The following SERF2 variants were observed in gnomAD, a reference collection of about 807,000 sequenced individuals.
The protein encoded by SERF2 is small EDRK-rich factor 2.
SERF2 carries 4 observed loss-of-function variants against 10.7 expected under a neutral mutation model. The observed-to-expected ratio is 0.37, with a 90% confidence interval of 0.18 to 0.86. The LOEUF (loss-of-function observed/expected upper bound fraction) is 0.86. SERF2 is among the 40% of genes least tolerant of loss of function. The pLI is 0.43. For synonymous variants in SERF2, 26 were observed against 26.0 expected (o/e 1.00, Z 0.01); for missense variants, 47 against 79.1 (o/e 0.59, Z 1.54).
upstream of SERF2, among the ~76,000 whole-genome samples, chr15:43,790,003 G>C (rs147132630): frequency 6.7e-3 from 1,012 of 152,162 alleles, 18 homozygotes; most frequent in East Asian, 0.042. Flanking sequence ...TTAGCCGAGC[G>C]TGGTGGCACG....
upstream of SERF2, among the ~76,000 whole-genome samples, chr15:43,790,034 C>T (rs1159933134): frequency 2.6e-5 from 4 of 151,346 alleles, no homozygotes; most frequent in African/African-American, 7.3e-5. Context: ...CCCAGCTACT[C>T]GGGAAGCTGA....
upstream of SERF2, among the ~76,000 whole-genome samples, chr15:43,789,041 T>C (rs1036029917): frequency 6.6e-6 from 1 of 151,282 alleles, no homozygotes; most frequent in African/African-American, 2.4e-5. Flanking sequence ...CCCAGCTACT[T>C]GGGAGGCTGA....
exon 1 of SERF2, chr15:43,777,128 T>C: frequency 1.4e-6 from 1 of 729,430 alleles, no homozygotes; most frequent in East Asian, 2.8e-5. Context: ...CGGCGCTTTC[T>C]TCTAGGATCC....
In SERF2 at chr15:43,795,648, G is replaced by A; in HGVS notation, c.*1875G>A. 1 of 1,611,788 alleles carries A rather than the reference G, an allele frequency of 6.2e-7. No homozygotes were observed. The highest frequency in any genetic ancestry group is 2.2e-5 in the East Asian group (1 of 44,790). On this transcript the variant is annotated 3_prime_UTR_variant, in exon 3 of 3. Coordinates refer to ENST00000249786, the MANE Select transcript of SERF2 (RefSeq NM_001018108.4). ...TTGAGGGTTCTTATGGCACTCCACA[G>A]AGATCTACCACTTCTTATGGTTCCT...
Position 43,795,766 on chromosome 15 carries a change from G to C in SERF2, c.*1993G>C. ...AAAACAGAACGCAGGTTTTGGAATG[G>C]TCTTAAAAGATGTGAGGGTGTTAAT... On this transcript the variant is annotated 3_prime_UTR_variant, in exon 3 of 3. Transcript: ENST00000249786. 6.2e-7 allele frequency: 1 copy of C among 1,608,236 alleles called. No homozygotes were observed. The highest frequency in any genetic ancestry group is 1.3e-5 in the African/African-American group (1 of 74,896).
upstream of SERF2, chr15:43,792,118 C>A: frequency 1.7e-6 from 1 of 573,540 alleles, no homozygotes; most frequent in South Asian, 2.0e-5. Flanking sequence ...TTTCTCCAGG[C>A]CCGTCCCTAC....
At chr15:43,784,689 C>G (rs1168083754) in intron 1 of SERF2, among the ~76,000 whole-genome samples, 2 of 151,884 alleles carry the variant, frequency 1.3e-5, no homozygotes, top group Non-Finnish European at 2.9e-5. Flanking sequence ...ATCTCCTGAC[C>G]TCGTGATCCG....
rs751982774 is a variant in SERF2 at position 43,794,888 on chromosome 15, A to G, written c.*1115A>G. On this transcript the variant is annotated 3_prime_UTR_variant, in exon 3 of 3. Transcript: ENST00000249786. ...CAGTTCATAGTATTGACTTCAGCCCAAACGGAGATAACTCCCTGTGTGTCC... is the reference window on the plus strand; with the variant it reads ...CAGTTCATAGTATTGACTTCAGCCCGAACGGAGATAACTCCCTGTGTGTCC... 2 of 819,672 alleles carry G rather than the reference A, an allele frequency of 2.4e-6. No homozygotes were observed. The highest frequency in any genetic ancestry group is 3.9e-6 in the Non-Finnish European group (2 of 511,514). The allele number at this position is 819,672 out of a possible 1,614,324, so 50.8% of individuals were successfully genotyped here.
upstream of SERF2, chr15:43,792,111 CT>C: frequency 2.0e-6 from 1 of 504,766 alleles, no homozygotes; most frequent in Non-Finnish European, 3.6e-6. Context: ...GGCCTAGTTT[CT>C]CCAGGCCCGT....
chr15:43,795,320 C>G lies in SERF2; in HGVS notation c.*1547C>G. The G allele has an allele frequency of 6.2e-7, 1 of 1,600,846 alleles. No homozygotes were observed. Among genetic ancestry groups the G allele is most frequent in the Non-Finnish European group, 8.6e-7 (1 of 1,168,652 alleles). ...GCAGACCCATGTGTGTCTGGAATGGCCTTGAATTGCTCTTTCCTTAAAATA... is the reference window on the plus strand; with the variant it reads ...GCAGACCCATGTGTGTCTGGAATGGGCTTGAATTGCTCTTTCCTTAAAATA... On this transcript the variant is annotated 3_prime_UTR_variant, in exon 3 of 3. Coordinates refer to ENST00000249786, the MANE Select transcript of SERF2 (RefSeq NM_001018108.4).
At position 43,795,638 on chromosome 15, in the gene SERF2, G is replaced by A. The variant is rs767615817; in HGVS notation, c.*1865G>A. 1.2e-6 allele frequency: 2 copies of A among 1,609,102 alleles called. No homozygotes were observed. Among genetic ancestry groups the A allele is most frequent in the African/African-American group, 2.7e-5 (2 of 74,598 alleles). On this transcript the variant is annotated 3_prime_UTR_variant, in exon 3 of 3. Coordinates refer to ENST00000249786, the MANE Select transcript of SERF2 (RefSeq NM_001018108.4). ...GTTAAGGCTCTTGAGGGTTCTTATG[G>A]CACTCCACAGAGATCTACCACTTCT... is the stretch of plus-strand genomic sequence containing the variant.
chr15:43,795,531 A>T lies in SERF2; in HGVS notation c.*1758A>T. 1 of 1,614,100 alleles carries T rather than the reference A, an allele frequency of 6.2e-7. No individual in the cohort carries two copies. Among genetic ancestry groups the T allele is most frequent in the East Asian group, 2.2e-5 (1 of 44,874 alleles). On this transcript the variant is annotated 3_prime_UTR_variant, in exon 3 of 3. Coordinates refer to ENST00000249786, the MANE Select transcript of SERF2 (RefSeq NM_001018108.4). ...CTTGGTCAGCTGGCCTCGCAGCCCC[A>T]CCCCTTTGCCCTGGAGAGAGGAAAT...
chr15:43,789,217 T>TA (rs2141674177), upstream of SERF2, among the ~76,000 whole-genome samples: 1 of 152,116 alleles, frequency 6.6e-6, no homozygotes, highest in Non-Finnish European at 1.5e-5. Context: ...AGCTAGTAGT[T>TA]ATATTAGCAG....
chr15:43,790,866 C>T (rs921734190), upstream of SERF2, among the ~76,000 whole-genome samples: 1 of 150,628 alleles, frequency 6.6e-6, no homozygotes, highest in Non-Finnish European at 1.5e-5. Context: ...TGGGTTCACA[C>T]GGTTCTCCGG....
At chr15:43,785,328 C>G (rs1381403862) in intron 1 of SERF2, 1 of 152,158 alleles carries the variant, frequency 6.6e-6, no homozygotes, top group East Asian at 1.9e-4. Flanking sequence ...CTCAGCCTCC[C>G]AAAGTGCTGG....
Position 43,793,695 on chromosome 15 carries a change from C to A in SERF2, c.117-15C>A, listed in dbSNP as rs780903077. ...CCTCTGGTACCTCCCAGTGCCCCAT[C>A]ATCTCTACCCCCAGGGACTCGGAGA... On this transcript the variant is annotated splice_polypyrimidine_tract_variant and intron_variant, in intron 2 of 2. Transcript: ENST00000249786. The A allele has an allele frequency of 6.2e-7, 1 of 1,614,196 alleles. No homozygotes were observed. Among genetic ancestry groups the A allele is most frequent in the Non-Finnish European group, 8.5e-7 (1 of 1,180,030 alleles).
chr15:43,792,712 A>C (rs970791425), intron 1 of SERF2: 1 of 1,027,940 alleles, frequency 9.7e-7, no homozygotes, highest in Non-Finnish European at 1.4e-6. Context: ...ACACCTTGCC[A>C]GCTGTTTGGG....
In SERF2 at chr15:43,792,746, C is replaced by G. The variant is rs937894624; in HGVS notation, c.8-229C>G. The G allele has an allele frequency of 2.5e-5, 20 of 793,256 alleles. No homozygotes were observed. The Admixed American group carries it at 5.9e-4, about 24-fold the overall frequency. 49.1% of individuals were successfully genotyped at this position (793,256 alleles called of 1,614,324 possible). A position where few individuals can be genotyped will look rare whatever the true frequency, so the allele number is the denominator to read the frequency against. On this transcript the variant is annotated intron_variant, in intron 1 of 2. Transcript: ENST00000249786. ...GGCCCCACGCCGCCCCAAAACACGCCTCCAGCTGGCCCCTTGGGACCTCCC... is the reference window on the plus strand; with the variant it reads ...GGCCCCACGCCGCCCCAAAACACGCGTCCAGCTGGCCCCTTGGGACCTCCC...
chr15:43,785,174 T>C (rs1438601445), intron 1 of SERF2, among the ~76,000 whole-genome samples: 1 of 151,154 alleles, frequency 6.6e-6, no homozygotes, highest in Non-Finnish European at 1.5e-5. Context: ...GTTCAAGCTA[T>C]TCTCCTGCTT....
Sources: allele counts gnomAD v4.1 joint callset (sites outside exome capture counted in the v4.1 genomes callset), GRCh38; gene constraint gnomAD v4.1.1; transcripts MANE v1.5; gene names NCBI Gene and HGNC (gene_info 2026-07-23, HGNC 2026-07-21).